Variants in ZNF546 observed in about 807,000 individuals in gnomAD.
ZNF546 encodes the protein CTC-471F3.6.
Under a neutral mutation model 76.2 loss-of-function variants are expected in ZNF546, and 60 were observed. That is an observed-to-expected ratio of 0.79 (90% CI 0.64 to 0.98). ZNF546 has a LOEUF of 0.98. Ranked by LOEUF, ZNF546 falls within the 50% of genes least tolerant of loss-of-function variation. The probability of loss-of-function intolerance (pLI) is 0.00; values close to 1 mark genes in which losing one functional copy is unlikely to be tolerated. For missense variants in ZNF546, 936 were observed against 1,035.6 expected (o/e 0.90, Z 1.32); for synonymous variants, 277 against 328.1 (o/e 0.84, Z 1.68).
rs772771629 is a variant in ZNF546 at position 40,014,204 on chromosome 19, C to T, written c.934C>T (p.Arg312Cys). The T allele has an allele frequency of 8.7e-6, 14 of 1,612,862 alleles. No individual in the cohort carries two copies. The highest frequency in any genetic ancestry group is 3.3e-4 in the Middle Eastern group (2 of 6,062). ...TAAGGAATGTGGGAAAGCCTTTAGT[C>T]GTGTTAGAGACCTTAGAGTACATCA... ...ECKECGKAFS[R>C]VRDLRVHQTI... Residue 312 changes from arginine to cysteine, a missense_variant, in exon 7 of 7, where the codon CGT becomes TGT. Physicochemically the swap from Arg to Cys is radical, Grantham distance 180. Coordinates refer to ENST00000347077, the MANE Select transcript of ZNF546 (RefSeq NM_178544.5).
chr19:40,011,756 A>T (rs1301252505), intron 6 of ZNF546, among the ~76,000 whole-genome samples: 2 of 152,232 alleles, frequency 1.3e-5, no homozygotes, highest in Non-Finnish European at 2.9e-5. Context: ...GAATCCAACA[A>T]TTTATGAAAA....
At chr19:40,007,425 A>T (rs374964168) in intron 5 of ZNF546, 25 bp downstream of exon 5, 97 of 1,568,546 alleles carry the variant, frequency 6.2e-5, no homozygotes, top group Non-Finnish European at 8.3e-5. Context: ...GAAATCGTTT[A>T]CAATCTGTTT....
intron 3 of ZNF546, among the ~76,000 whole-genome samples, chr19:40,000,628 A>AG (rs917010934): frequency 2.6e-5 from 4 of 151,704 alleles, no homozygotes; most frequent in East Asian, 1.9e-4. Flanking sequence ...AAAAAAAAAA[A>AG]AAAAAGAAAA....
chr19:40,012,095 A>G (rs560501198), intron 6 of ZNF546, among the ~76,000 whole-genome samples: 4 of 151,664 alleles, frequency 2.6e-5, no homozygotes, highest in South Asian at 2.1e-4. Context: ...TTGACTAGCA[A>G]TGAGTTTGAG....
chr19:40,013,641 T>A, intron 6 of ZNF546, 24 bp from the exon 7 acceptor site: 2 of 203,080 alleles, frequency 9.8e-6, no homozygotes, highest in South Asian at 6.5e-5. Flanking sequence ...TACTCTTTGC[T>A]TTTTTTTTTT....
In ZNF546 at chr19:40,018,982, A is replaced by T. The variant is rs1177312930; in HGVS notation, c.*3201A>T. 2 of 152,222 alleles carry T rather than the reference A, an allele frequency of 1.3e-5. No individual in the cohort carries two copies. The highest frequency in any genetic ancestry group is 6.5e-5 in the Admixed American group (1 of 15,282). 9.4% of individuals were successfully genotyped at this position (152,222 alleles called of 1,614,324 possible). ...GTAGTTTGCCACACAGCGATAGGTAACTGAAATACTTGCTTCATATGGTAA... is the reference window on the plus strand; with the variant it reads ...GTAGTTTGCCACACAGCGATAGGTATCTGAAATACTTGCTTCATATGGTAA... On this transcript the variant is annotated 3_prime_UTR_variant, in exon 7 of 7. Transcript: ENST00000347077.
chr19:40,012,283 A>G (rs1241437082), intron 6 of ZNF546, among the ~76,000 whole-genome samples: 1 of 152,248 alleles, frequency 6.6e-6, no homozygotes, highest in African/African-American at 2.4e-5. Flanking sequence ...ATGATGAAAT[A>G]CAAAAATGAC....
intron 6 of ZNF546, among the ~76,000 whole-genome samples, chr19:40,012,457 T>G (rs915100335): frequency 7.9e-5 from 12 of 152,180 alleles, no homozygotes; most frequent in Non-Finnish European, 1.5e-5. Context: ...ATTAAGTTAT[T>G]ATACTTAGCT....
At chr19:40,009,696 ATAACTT>A (rs1971648568) in intron 6 of ZNF546, among the ~76,000 whole-genome samples, 1 of 152,160 alleles carries the variant, frequency 6.6e-6, no homozygotes, top group Non-Finnish European at 1.5e-5. Context: ...CTCTGTCACT[ATAACTT>A]AGTTTTCATT....
At chr19:40,002,901 T>C (rs1971547616) in intron 3 of ZNF546, among the ~76,000 whole-genome samples, 1 of 152,088 alleles carries the variant, frequency 6.6e-6, no homozygotes, top group Non-Finnish European at 1.5e-5. Flanking sequence ...GGGTTCACTA[T>C]ATTGGCCAGG....
At position 40,016,307 on chromosome 19, in the gene ZNF546, G is replaced by A. The variant is rs564754684; in HGVS notation, c.*526G>A. ...AGGCCCAGGTGAGCAGATCACCTGA[G>A]GTCAGGAGTTCAAGACCAGCCTGGC... On this transcript the variant is annotated 3_prime_UTR_variant, in exon 7 of 7. Transcript: ENST00000347077. 1 of 155,570 alleles carries A rather than the reference G, an allele frequency of 6.4e-6. No individual in the cohort carries two copies. Among genetic ancestry groups the A allele is most frequent in the Non-Finnish European group, 1.4e-5 (1 of 70,254 alleles). The allele number at this position is 155,570 out of a possible 1,614,324, so 9.6% of individuals were successfully genotyped here. A position where few individuals can be genotyped will look rare whatever the true frequency, so the allele number is the denominator to read the frequency against.
intron 4 of ZNF546, among the ~76,000 whole-genome samples, chr19:40,006,908 A>C (rs1474984999): frequency 2.0e-5 from 3 of 152,218 alleles, no homozygotes; most frequent in Non-Finnish European, 4.4e-5. Context: ...GAAATCACGT[A>C]ATGTCAGTCA....
At position 40,014,565 on chromosome 19, in the gene ZNF546, G is replaced by A. The variant is rs199852460; in HGVS notation, c.1295G>A (p.Arg432His). 1.7e-4 allele frequency: 282 copies of A among 1,613,728 alleles called. No individual in the cohort carries two copies. Among genetic ancestry groups the A allele is most frequent in the Admixed American group, 1.4e-3 (83 of 59,990 alleles). Residue 432 changes from arginine to histidine, a missense_variant, in exon 7 of 7, where the codon CGT becomes CAT. By Grantham distance (29) the Arg-to-His change is conservative. Coordinates refer to ENST00000347077, the MANE Select transcript of ZNF546 (RefSeq NM_178544.5). ...TTTCATGCAGAACTTGCTCGACATC[G>A]TAGAATTCATACTGGTGAGAAACCC... ...FSFHAELARH[R>H]RIHTGEKPYE... is the part of the protein sequence containing the mutation.
rs1227928143 is a variant in ZNF546, at chr19:40,018,041, T to G, written c.*2260T>G. ...CAGGCTGGAGTGCAGTGGTGCGATCTTGGCTCACTGCAAGCTCCGCCTCCC... is the reference window on the plus strand; with the variant it reads ...CAGGCTGGAGTGCAGTGGTGCGATCGTGGCTCACTGCAAGCTCCGCCTCCC... On this transcript the variant is annotated 3_prime_UTR_variant, in exon 7 of 7. Coordinates refer to ENST00000347077, the MANE Select transcript of ZNF546 (RefSeq NM_178544.5). 6.8e-6 allele frequency: 1 copy of G among 147,818 alleles called. No homozygotes were observed. The highest frequency in any genetic ancestry group is 1.5e-5 in the Non-Finnish European group (1 of 67,214). The allele number at this position is 147,818 out of a possible 1,614,324, so 9.2% of individuals were successfully genotyped here.
intron 6 of ZNF546, among the ~76,000 whole-genome samples, chr19:40,010,410 A>G: frequency 6.6e-6 from 1 of 151,524 alleles, no homozygotes; most frequent in Non-Finnish European, 1.5e-5. Context: ...CTGAAAAAAA[A>G]AAAAAAAGAA....
chr19:40,007,693 TC>T (rs1367273257), intron 5 of ZNF546, among the ~76,000 whole-genome samples: 1 of 152,152 alleles, frequency 6.6e-6, no homozygotes, highest in Non-Finnish European at 1.5e-5. Flanking sequence ...TACTCAGAAT[TC>T]CTATAGCTGT....
intron 5 of ZNF546, 119 bp from the exon 6 acceptor site, chr19:40,008,351 C>A (rs1029298383): frequency 9.4e-6 from 6 of 637,060 alleles, no homozygotes; most frequent in Admixed American, 7.9e-5. Context: ...ATGGCATTGT[C>A]TAGTACCATT....
chr19:39,997,759 T>C (rs539101497), intron 1 of ZNF546, 102 bp from the exon 2 acceptor site: 1 of 154,808 alleles, frequency 6.5e-6, no homozygotes, highest in South Asian at 2.0e-4. Context: ...TCAGCACAGA[T>C]GTGGCGCTGG....
chr19:40,003,922 G>C (rs1229317875), intron 3 of ZNF546, among the ~76,000 whole-genome samples: 1 of 151,514 alleles, frequency 6.6e-6, no homozygotes, highest in African/African-American at 2.4e-5. Flanking sequence ...TGAGGCAGGA[G>C]AATCACTTGA....
Sources: allele counts gnomAD v4.1 joint callset (sites outside exome capture counted in the v4.1 genomes callset), GRCh38; gene constraint gnomAD v4.1.1; transcripts MANE v1.5; gene names NCBI Gene and HGNC (gene_info 2026-07-23, HGNC 2026-07-21).